The following DLG5 variants were observed in gnomAD, a reference collection of about 807,000 sequenced individuals.
The protein encoded by DLG5 is discs large MAGUK scaffold protein 5, also known as disks large homolog 5.
In DLG5, 48 loss-of-function variants were observed where a neutral mutation model predicts 189.8. The ratio of observed to expected loss-of-function variants is 0.25; its 90% CI spans 0.20 to 0.32. The LOEUF (loss-of-function observed/expected upper bound fraction) is 0.32, where lower values mean the gene tolerates loss of function less well. Ranked by LOEUF, DLG5 falls within the 10% of genes least tolerant of loss-of-function variation. DLG5 has a pLI of 1.00. For missense variants in DLG5, 2,160 were observed against 2,544.7 expected, an observed-to-expected ratio of 0.85 and a Z score of 3.25; for synonymous variants, 1,016 against 1,054.1, an observed-to-expected ratio of 0.96 and a Z score of 0.70.
intron 2 of DLG5, among the ~76,000 whole-genome samples, chr10:77,858,810 T>C (rs1844357083): frequency 1.3e-5 from 2 of 152,190 alleles, no homozygotes; most frequent in Admixed American, 6.5e-5. Context: ...AGAAAAAGCC[T>C]ATAGAATAAG....
chr10:77,865,888 T>A (rs550459644), intron 2 of DLG5, among the ~76,000 whole-genome samples: 1 of 152,290 alleles, frequency 6.6e-6, no homozygotes, highest in South Asian at 2.1e-4. Context: ...ACAGACCGCC[T>A]GAGAGAACGC....
At chr10:77,862,861 G>A (rs930197824) in intron 2 of DLG5, among the ~76,000 whole-genome samples, 11 of 152,152 alleles carry the variant, frequency 7.2e-5, no homozygotes, top group African/African-American at 2.7e-4. Flanking sequence ...GACATTCTGG[G>A]AAGGGCAACA....
intron 13 of DLG5, 63 bp downstream of exon 13, chr10:77,828,819 A>C: frequency 3.5e-5 from 54 of 1,559,742 alleles, no homozygotes; most frequent in Non-Finnish European, 4.5e-5. Context: ...TTCTTGCTCA[A>C]ACCTCCCAAA....
At chr10:77,882,922 A>G (rs1483126807) in intron 1 of DLG5, among the ~76,000 whole-genome samples, 3 of 151,648 alleles carry the variant, frequency 2.0e-5, no homozygotes, top group South Asian at 2.1e-4. Context: ...TCTCAAAGAA[A>G]AAAAAAAAAA....
At chr10:77,859,209 C>A (rs757528895) in intron 2 of DLG5, among the ~76,000 whole-genome samples, 2 of 151,994 alleles carry the variant, frequency 1.3e-5, no homozygotes, top group African/African-American at 2.4e-5. Context: ...AGTGTTATTA[C>A]AAAACAGTCA....
At position 77,833,947 on chromosome 10, in the gene DLG5, T is replaced by C. The variant is rs368460119; in HGVS notation, c.1715A>G (p.Lys572Arg). 5.5e-5 allele frequency: 88 copies of C among 1,606,600 alleles called. No homozygotes were observed. The highest frequency in any genetic ancestry group is 7.3e-5 in the Non-Finnish European group (86 of 1,179,944). ...CTTCAGCTCGCGGCTGACATCATTC[T>C]TCTGCTTGCGGGTGTCATCCAGGCT... ...LRSLDDTRKQ[K>R]NDVSRELKEL... Residue 572 changes from lysine to arginine, a missense_variant, in exon 9 of 32, where the codon AAG (lysine) becomes AGG (arginine). This residue lies in a region of DLG5 where 664 missense variants were observed against 838.5 expected (regional missense o/e 0.79). Coordinates refer to ENST00000372391, the MANE Select transcript of DLG5 (RefSeq NM_004747.4).
chr10:77,859,008 G>A (rs956614983), intron 2 of DLG5, among the ~76,000 whole-genome samples: 2 of 152,098 alleles, frequency 1.3e-5, no homozygotes, highest in East Asian at 1.9e-4. Context: ...AAGTAGCTGG[G>A]ACTACAGGCA....
At chr10:77,935,262 T>C in the DLG5 span, among the ~76,000 whole-genome samples, 1 of 151,994 alleles carries the variant, frequency 6.6e-6, no homozygotes, top group African/African-American at 2.4e-5. Context: ...AGAAGAGACA[T>C]CGACTTGTTC....
intron 1 of DLG5, among the ~76,000 whole-genome samples, chr10:77,920,216 G>C (rs558182146): frequency 6.6e-6 from 1 of 152,262 alleles, no homozygotes; most frequent in African/African-American, 2.4e-5. Flanking sequence ...GTAACAAAAT[G>C]CTCTTCCATT....
At chr10:77,869,522 G>A (rs990352113) in intron 1 of DLG5, 1 of 363,866 alleles carries the variant, frequency 2.7e-6, no homozygotes, top group Non-Finnish European at 5.0e-6. Flanking sequence ...AACATGGGGT[G>A]TGGGGGTTTC....
rs1231448587 is a variant in DLG5 at position 77,807,009 on chromosome 10, C to T, written c.4797-81G>A. 5.3e-6 allele frequency: 8 copies of T among 1,495,838 alleles called. No individual in the cohort carries two copies. The Admixed American group carries it at 1.5e-4, about 28-fold the overall frequency. The allele number at this position is 1,495,838 out of a possible 1,614,324, so 92.7% of individuals were successfully genotyped here. ...CCAGGTGCCTTCTGTGGCCAGGCCC[C>T]TAAGGCTGCCATTCTGCTTTGGGCT... is the stretch of plus-strand genomic sequence containing the variant. On this transcript the variant is annotated intron_variant, in intron 25 of 31. Coordinates refer to ENST00000372391, the MANE Select transcript of DLG5 (RefSeq NM_004747.4).
chr10:77,801,577 G>C (rs1313996448), intron 27 of DLG5, among the ~76,000 whole-genome samples: 1 of 152,220 alleles, frequency 6.6e-6, no homozygotes, highest in Non-Finnish European at 1.5e-5. Flanking sequence ...CCAAACTACA[G>C]ATGTAAAAAG....
Position 77,826,900 on chromosome 10 carries a change from A to T in DLG5, c.2289+1982T>A, listed in dbSNP as rs192139694. On this transcript the variant is annotated intron_variant, in intron 13 of 31. Coordinates refer to ENST00000372391, the MANE Select transcript of DLG5 (RefSeq NM_004747.4). ...GAGGCGGAGGCTACAGTGAGCCCAG[A>T]TCACACCATTGTACTCCAGCCTGGG... Among the ~76,000 whole-genome samples the T allele has an allele frequency of 7.2e-5, 11 of 152,166 alleles. No homozygotes were observed. The East Asian group carries it at 1.9e-3, about 27-fold the overall frequency.
chr10:77,829,235 T>C, intron 12 of DLG5, 120 bp downstream of exon 12: 1 of 1,380,412 alleles, frequency 7.2e-7, no homozygotes, highest in East Asian at 2.3e-5. Context: ...GGGCTACATT[T>C]AAATGGCATT....
In DLG5 at chr10:77,812,056, A is replaced by T. The variant is rs1841801142; in HGVS notation, c.4190T>A (p.Phe1397Tyr). Residue 1397 changes from phenylalanine (F) to tyrosine (Y), a missense_variant and splice_region_variant, in exon 22 of 32, where the codon TTC becomes TAC. Physicochemically the swap from Phe to Tyr is conservative, Grantham distance 22. This residue lies in a region of DLG5 where 61 missense variants were observed against 101.0 expected (regional missense o/e 0.60). Transcript: ENST00000372391. ...GGCGCTCCGCAGGTTTATGCCGTTG[A>T]ACTGGGGAAACACCAGGATGGGCTC... is the stretch of plus-strand genomic sequence containing the variant. ...GLEYGDQLLEFNGINLRSATE... is the reference protein window; with the variant it reads ...GLEYGDQLLEYNGINLRSATE... 6.2e-7 allele frequency: 1 copy of T among 1,609,482 alleles called. No homozygotes were observed. Among genetic ancestry groups the T allele is most frequent in the Non-Finnish European group, 8.5e-7 (1 of 1,179,940 alleles).
chr10:77,817,790 G>A lies in DLG5; in HGVS notation c.3771C>T (p.Ser1257=). 1.3e-6 allele frequency: 2 copies of A among 1,554,256 alleles called. No homozygotes were observed. Among genetic ancestry groups the A allele is most frequent in the South Asian group, 1.2e-5 (1 of 84,224 alleles). Residue 1257 remains serine, a synonymous_variant, in exon 18 of 32, where the codon TCC becomes TCT. Transcript: ENST00000372391. ...TGGTGCAGTTACCCAGGCGGGCGCT[G>A]GAGGGCAGTGAGTTGGACCCATGGG... The part of the protein sequence containing the change: ...RATHGSNSLP[S]SARLGSSSNL...
chr10:77,811,086 C>A lies in DLG5; in HGVS notation c.4463+8G>T. Reference sequence around the variant, plus strand: ...ACACAGGGAAGGCTCACAGCAACGTCTGCTGACCTGGAGCTGCTCTGCTTG... The same window carrying A: ...ACACAGGGAAGGCTCACAGCAACGTATGCTGACCTGGAGCTGCTCTGCTTG... On this transcript the variant is annotated splice_region_variant and intron_variant, in intron 23 of 31. Transcript: ENST00000372391. 6.2e-7 allele frequency: 1 copy of A among 1,610,522 alleles called. No homozygotes were observed. Among genetic ancestry groups the A allele is most frequent in the Non-Finnish European group, 8.5e-7 (1 of 1,179,630 alleles).
At chr10:77,825,963 T>A (rs1316214578) in intron 13 of DLG5, among the ~76,000 whole-genome samples, 6 of 152,208 alleles carry the variant, frequency 3.9e-5, no homozygotes, top group African/African-American at 1.4e-4. Flanking sequence ...ATTTTCATAG[T>A]GGCCATATAG....
In DLG5 at chr10:77,900,110, T is replaced by C. The variant is rs1308589788; in HGVS notation, c.304+26107A>G. On this transcript the variant is annotated intron_variant, in intron 1 of 31. Transcript: ENST00000372391. ...ATTTAATAACTCCCTCTAAAATTCG[T>C]CTTATTGCTTGCATCTTACAGGTGA... is the stretch of plus-strand genomic sequence containing the variant. 2.0e-5 allele frequency among the ~76,000 whole-genome samples: 3 copies of C among 152,200 alleles called. No individual in the cohort carries two copies. In the East Asian group the frequency reaches 5.8e-4, roughly 30 times the overall value.
Sources: allele counts gnomAD v4.1 joint callset (sites outside exome capture counted in the v4.1 genomes callset), GRCh38; gene constraint gnomAD v4.1.1; regional missense constraint gnomAD v4.1.1; transcripts MANE v1.5; gene names NCBI Gene and HGNC (gene_info 2026-07-23, HGNC 2026-07-21).